Variants in RASSF4 observed in about 807,000 individuals in gnomAD.
RASSF4 encodes the protein ras association domain-containing protein 4.
A neutral mutation model predicts 41.1 loss-of-function variants in RASSF4; 38 were observed. The ratio of observed to expected loss-of-function variants is 0.92; its 90% CI spans 0.71 to 1.21. The LOEUF (loss-of-function observed/expected upper bound fraction) is 1.21. Among genes scored for constraint, RASSF4 ranks in the 50% most tolerant of loss-of-function variants. The pLI is 0.00. For missense variants in RASSF4, 414 were observed against 419.4 expected, an observed-to-expected ratio of 0.99 and a Z score of 0.11; for synonymous variants, 179 against 163.4, an observed-to-expected ratio of 1.10 and a Z score of -0.73.
In RASSF4 at chr10:44,980,407, C is replaced by T. The variant is rs186794129; in HGVS notation, c.139-2114C>T. ...AGGCGGAGAATTCGCTGCTGGCTGA[C>T]GGGGCTTTCCCTCCATTCAGATGCG... On this transcript the variant is annotated intron_variant, in intron 3 of 10. Coordinates refer to ENST00000340258, the MANE Select transcript of RASSF4 (RefSeq NM_032023.4). Among the ~76,000 whole-genome samples, 22 of 152,340 alleles carry T rather than the reference C, an allele frequency of 1.4e-4. No homozygotes were observed. In the East Asian group the frequency reaches 3.7e-3, roughly 25 times the overall value.
chr10:44,978,051 G>A (rs1295376947), intron 3 of RASSF4: 1 of 1,591,354 alleles, frequency 6.3e-7, no homozygotes, highest in Non-Finnish European at 8.5e-7. Flanking sequence ...AGAGGAGGTG[G>A]CAACCTGTTG....
chr10:44,980,445 G>A lies in RASSF4; in HGVS notation c.139-2076G>A, dbSNP rs576581743. Among the ~76,000 whole-genome samples, 3 of 152,332 alleles carry A rather than the reference G, an allele frequency of 2.0e-5. No individual in the cohort carries two copies. The East Asian group carries it at 5.8e-4, about 29-fold the overall frequency. On this transcript the variant is annotated intron_variant, in intron 3 of 10. Transcript: ENST00000340258. ...CCATTCAGATGCGGCCAAGCTGGGG[G>A]AGGGTGAACAGTGGGCGGCTATGCT...
intron 4 of RASSF4, 79 bp downstream of exon 4, chr10:44,982,742 G>A: frequency 6.8e-7 from 1 of 1,478,112 alleles, no homozygotes; most frequent in African/African-American, 1.4e-5. Flanking sequence ...CAGGGTGGGA[G>A]CCCTGTTCCC....
intron 5 of RASSF4, 27 bp downstream of exon 5, chr10:44,984,140 A>G (rs1327323155): frequency 2.6e-6 from 4 of 1,564,510 alleles, no homozygotes; most frequent in Non-Finnish European, 3.5e-6. Context: ...AGCTGCCCAG[A>G]CCCCTGCCTC....
intron 1 of RASSF4, among the ~76,000 whole-genome samples, chr10:44,968,162 G>A (rs144380988): frequency 1.7e-4 from 26 of 152,332 alleles, no homozygotes; most frequent in African/African-American, 6.0e-4. Context: ...CTGAAAGCAA[G>A]ACTTCGTTAT....
intron 3 of RASSF4, among the ~76,000 whole-genome samples, chr10:44,980,681 G>A (rs1471927546): frequency 2.0e-5 from 3 of 152,192 alleles, no homozygotes; most frequent in Non-Finnish European, 1.5e-5. Context: ...CTCCTTCTGC[G>A]TCCAAGCCCG....
chr10:44,983,835 G>A (rs1588836885), intron 4 of RASSF4, 187 bp from the exon 5 acceptor site: 2 of 987,026 alleles, frequency 2.0e-6, no homozygotes, highest in East Asian at 2.7e-5. Flanking sequence ...AGCAGATGCT[G>A]GGGGGAGGCC....
chr10:44,984,216 A>G, intron 5 of RASSF4, 103 bp downstream of exon 5: 2 of 1,192,212 alleles, frequency 1.7e-6, no homozygotes, highest in Non-Finnish European at 2.3e-6. Flanking sequence ...TTTGTGCCCC[A>G]GCCAACGAGG....
At chr10:44,966,918 G>T (rs1840923756) in intron 1 of RASSF4, among the ~76,000 whole-genome samples, 1 of 152,080 alleles carries the variant, frequency 6.6e-6, no homozygotes, top group African/African-American at 2.4e-5. Context: ...ATTCTCCTGT[G>T]ACCATCTGTA....
Position 44,991,830 on chromosome 10 carries a change from G to A in RASSF4, c.808-75G>A, listed in dbSNP as rs1216479206. On this transcript the variant is annotated intron_variant, in intron 9 of 10. Transcript: ENST00000340258. Reference sequence around the variant, plus strand: ...AGATGTTGGCTGGATGGGCCACTATGGAAGCCTTGAGGAAAAGAAAACATA... The same window carrying A: ...AGATGTTGGCTGGATGGGCCACTATAGAAGCCTTGAGGAAAAGAAAACATA... 4.9e-6 allele frequency: 5 copies of A among 1,019,466 alleles called. No homozygotes were observed. The African/African-American group carries it at 7.9e-5, about 16-fold the overall frequency. 63.2% of individuals were successfully genotyped at this position (1,019,466 alleles called of 1,614,324 possible).
intron 2 of RASSF4, 41 bp from the exon 3 acceptor site, chr10:44,971,732 T>G: frequency 6.6e-7 from 1 of 1,526,358 alleles, no homozygotes; most frequent in Non-Finnish European, 9.1e-7. Context: ...GCTGAGGCCC[T>G]GCCACACCCT....
chr10:44,970,489 A>G (rs1841107092), intron 2 of RASSF4: 2 of 556,784 alleles, frequency 3.6e-6, no homozygotes, highest in Non-Finnish European at 6.4e-6. Flanking sequence ...GAGGCTCCAG[A>G]TGGCAGGCAC....
intron 1 of RASSF4, 24 bp downstream of exon 1, chr10:44,959,890 G>C (rs1459066785): frequency 6.6e-6 from 1 of 152,354 alleles, no homozygotes; most frequent in Non-Finnish European, 1.5e-5. Flanking sequence ...GAGCAGGAGA[G>C]TGCTTGGGCG....
intron 3 of RASSF4, among the ~76,000 whole-genome samples, chr10:44,975,323 C>T (rs945414222): frequency 2.0e-5 from 3 of 152,046 alleles, no homozygotes; most frequent in African/African-American, 4.8e-5. Flanking sequence ...AGTGACTGGC[C>T]AGCCCCACGA....
chr10:44,978,021 G>A (rs143612047), intron 3 of RASSF4: 43 of 1,608,798 alleles, frequency 2.7e-5, no homozygotes, highest in Middle Eastern at 1.7e-4. Flanking sequence ...AGCAGAAGCC[G>A]GGACCTCATC....
chr10:44,984,003 T>A lies in RASSF4; in HGVS notation c.282-19T>A. The A allele has an allele frequency of 6.3e-7, 1 of 1,579,724 alleles. No homozygotes were observed. The highest frequency in any genetic ancestry group is 1.8e-5 in the Admixed American group (1 of 54,870). ...TCTCTGCCGGCAGCCATCTCAGCCC[T>A]GCAGTTGTCTGTTTTCAGAAAGGAG... On this transcript the variant is annotated intron_variant, in intron 4 of 10. Coordinates refer to ENST00000340258, the MANE Select transcript of RASSF4 (RefSeq NM_032023.4).
At chr10:44,980,461 C>T (rs1451599896) in intron 3 of RASSF4, among the ~76,000 whole-genome samples, 4 of 152,104 alleles carry the variant, frequency 2.6e-5, no homozygotes, top group Admixed American at 1.3e-4. Flanking sequence ...GAACAGTGGG[C>T]GGCTATGCTG....
intron 1 of RASSF4, among the ~76,000 whole-genome samples, chr10:44,965,976 A>T (rs772961184): frequency 7.9e-5 from 12 of 152,200 alleles, no homozygotes; most frequent in Non-Finnish European, 1.5e-4. Context: ...GTGAGGGAGA[A>T]CCATGCTTTT....
intron 1 of RASSF4, among the ~76,000 whole-genome samples, chr10:44,962,312 TG>T (rs1564448160): frequency 6.6e-6 from 1 of 152,262 alleles, no homozygotes; most frequent in East Asian, 1.9e-4. Context: ...TGGGAGTACA[TG>T]GACAAGAGCT....
Sources: gnomAD v4.1 joint callset for allele counts (sites outside exome capture counted in the v4.1 genomes callset) on GRCh38, gnomAD v4.1.1 for gene constraint, MANE v1.5 for transcripts, NCBI Gene and HGNC (gene_info 2026-07-23, HGNC 2026-07-21) for gene names.